The following CPD variants were observed in gnomAD, a reference collection of about 807,000 sequenced individuals.
The protein encoded by CPD is carboxypeptidase D, also known as metallocarboxypeptidase D.
Under a neutral mutation model 138.3 loss-of-function variants are expected in CPD, and 69 were observed. That is an observed-to-expected ratio of 0.50 (90% CI 0.41 to 0.61). The LOEUF (loss-of-function observed/expected upper bound fraction) is 0.61. Ranked by LOEUF, CPD falls within the 20% of genes least tolerant of loss-of-function variation. The pLI is 0.00. For synonymous variants in CPD, 651 were observed against 642.1 expected, an observed-to-expected ratio of 1.01 and a Z score of -0.21; for missense variants, 1,432 against 1,733.3, an observed-to-expected ratio of 0.83 and a Z score of 3.09.
rs760007432 is a variant in CPD at position 30,422,729 on chromosome 17, G to A, written c.1363G>A (p.Val455Met). ...VVVKEGPATEVDFSLRPTVTS... is the reference protein window; with the variant it reads ...VVVKEGPATEMDFSLRPTVTS... The stretch of plus-strand genomic sequence containing the variant: ...GGTGAAAGAAGGACCAGCCACAGAG[G>A]TGGATTTTTCTCTTAGGCCAACTGT... The change falls in exon 5 of 21, where the codon GTG becomes ATG. Residue 455 changes from valine (V) to methionine (M), a missense_variant. This residue lies in a region of CPD where 160 missense variants were observed against 197.9 expected (regional missense o/e 0.81). Transcript: ENST00000225719. The A allele has an allele frequency of 5.0e-6, 8 of 1,613,972 alleles. No individual in the cohort carries two copies. The highest frequency in any genetic ancestry group is 5.9e-6 in the Non-Finnish European group (7 of 1,179,918).
At chr17:30,410,740 C>T (rs961182237) in intron 2 of CPD, among the ~76,000 whole-genome samples, 10 of 152,124 alleles carry the variant, frequency 6.6e-5, no homozygotes, top group African/African-American at 2.4e-4. Flanking sequence ...TTATTTTGAG[C>T]CTATGTGTGT....
At chr17:30,400,602 A>G (rs1192302786) in intron 2 of CPD, among the ~76,000 whole-genome samples, 1 of 148,554 alleles carries the variant, frequency 6.7e-6, no homozygotes, top group Non-Finnish European at 1.5e-5. Context: ...TATGCTTATA[A>G]TGGATTATCT....
chr17:30,389,043 G>A (rs930431656), intron 2 of CPD, among the ~76,000 whole-genome samples: 1 of 152,186 alleles, frequency 6.6e-6, no homozygotes, highest in Non-Finnish European at 1.5e-5. Context: ...CGCCCCCGAA[G>A]CACAGCCCCA....
chr17:30,451,890 T>G (rs1284674704), intron 14 of CPD, 44 bp downstream of exon 14: 1 of 1,574,362 alleles, frequency 6.4e-7, no homozygotes, highest in Non-Finnish European at 8.7e-7. Flanking sequence ...GGAGATAATT[T>G]TCTTTCTGCT....
chr17:30,462,648 T>C (rs938480809), intron 20 of CPD, among the ~76,000 whole-genome samples, 179 bp downstream of exon 20: 1 of 152,140 alleles, frequency 6.6e-6, no homozygotes, highest in Non-Finnish European at 1.5e-5. Flanking sequence ...GGCTTGCCTT[T>C]CTCTGCCGAG....
rs1230207666 is a variant in CPD, at chr17:30,465,709, A to G, written c.*895A>G. On this transcript the variant is annotated 3_prime_UTR_variant, in exon 21 of 21. Transcript: ENST00000225719. Reference sequence around the variant, plus strand: ...CGGAACCTTTTTCTATGTTGCACACATGGTTTTCAGATGACCCAGCCATCT... The same window carrying G: ...CGGAACCTTTTTCTATGTTGCACACGTGGTTTTCAGATGACCCAGCCATCT... The G allele has an allele frequency of 6.6e-6, 1 of 152,610 alleles. No homozygotes were observed. Among genetic ancestry groups the G allele is most frequent in the East Asian group, 1.9e-4 (1 of 5,204 alleles). 9.5% of individuals were successfully genotyped at this position (152,610 alleles called of 1,614,324 possible).
At chr17:30,393,935 G>GT (rs1911423010) in intron 2 of CPD, among the ~76,000 whole-genome samples, 1 of 152,038 alleles carries the variant, frequency 6.6e-6, no homozygotes, top group African/African-American at 2.4e-5. Flanking sequence ...GAGGCCAGGA[G>GT]TTTAAGACCT....
intron 6 of CPD, among the ~76,000 whole-genome samples, chr17:30,426,287 C>G (rs955079078): frequency 1.3e-5 from 2 of 151,814 alleles, no homozygotes; most frequent in South Asian, 2.1e-4. Context: ...ACCATGGTAT[C>G]GCAGTAAAGA....
intron 8 of CPD, among the ~76,000 whole-genome samples, chr17:30,438,108 T>C (rs1414360662): frequency 6.7e-6 from 1 of 149,512 alleles, no homozygotes; most frequent in Non-Finnish European, 1.5e-5. Context: ...CCTCCCAAAG[T>C]GTTGGGATTA....
chr17:30,443,055 A>C (rs1220855788), intron 10 of CPD, among the ~76,000 whole-genome samples: 1 of 152,118 alleles, frequency 6.6e-6, no homozygotes, highest in African/African-American at 2.4e-5. Context: ...AATTTTAAAT[A>C]TACAGAAAAG....
intron 20 of CPD, among the ~76,000 whole-genome samples, chr17:30,463,191 C>T (rs774463953): frequency 3.6e-4 from 55 of 152,206 alleles, no homozygotes; most frequent in Non-Finnish European, 6.8e-4. Context: ...TATACTCAAA[C>T]GTCACCTCCA....
chr17:30,466,149 G>A lies in CPD; in HGVS notation c.*1335G>A, dbSNP rs974524003. 4.6e-5 allele frequency: 7 copies of A among 152,636 alleles called. No individual in the cohort carries two copies. Among genetic ancestry groups the A allele is most frequent in the African/African-American group, 1.7e-4 (7 of 41,474 alleles). 9.5% of individuals were successfully genotyped at this position (152,636 alleles called of 1,614,324 possible). ...GTCTGTCTTATCATGCAATGGAAAT[G>A]ATGCTTTTTGTAAGTATGCATCTTA... On this transcript the variant is annotated 3_prime_UTR_variant, in exon 21 of 21. Transcript: ENST00000225719.
Position 30,464,794 on chromosome 17 carries a change from T to C in CPD, c.4123T>C (p.Leu1375=). ...TGAAACAGACACTGAAGAGGAAACA[T>C]TATATTCTAGCAAACATTGAAAAAC... ...QDETDTEEET[L]YSSKH is the part of the protein sequence containing the mutation. Residue 1375 remains leucine, a synonymous_variant, in exon 21 of 21, where the codon TTA becomes CTA. Transcript: ENST00000225719. The C allele has an allele frequency of 6.2e-7, 1 of 1,613,744 alleles. No homozygotes were observed. Among genetic ancestry groups the C allele is most frequent in the Non-Finnish European group, 8.5e-7 (1 of 1,179,744 alleles).
chr17:30,455,751 A>T, intron 15 of CPD: 1 of 314,106 alleles, frequency 3.2e-6, no homozygotes, highest in Non-Finnish European at 5.8e-6. Context: ...AAATATTGAG[A>T]ATATAAAAGT....
At chr17:30,411,530 C>T (rs1911968035) in intron 2 of CPD, among the ~76,000 whole-genome samples, 1 of 152,152 alleles carries the variant, frequency 6.6e-6, no homozygotes, top group South Asian at 2.1e-4. Context: ...TACATAGTCC[C>T]ATATTTCTTG....
At chr17:30,457,421 G>A (rs886482818) in intron 17 of CPD, among the ~76,000 whole-genome samples, 1 of 152,094 alleles carries the variant, frequency 6.6e-6, no homozygotes, top group African/African-American at 2.4e-5. Context: ...CATGAAGATT[G>A]GTATTGCAGG....
intron 1 of CPD, among the ~76,000 whole-genome samples, chr17:30,384,297 G>A (rs1306075765): frequency 2.0e-5 from 3 of 152,130 alleles, no homozygotes; most frequent in Non-Finnish European, 2.9e-5. Context: ...TGTGAAACTG[G>A]AGTGAAACAC....
chr17:30,417,603 C>T (rs1190657779), intron 2 of CPD, among the ~76,000 whole-genome samples: 1 of 152,138 alleles, frequency 6.6e-6, no homozygotes, highest in Non-Finnish European at 1.5e-5. Flanking sequence ...TCTCAACTCC[C>T]ACTATCTATC....
At position 30,379,160 on chromosome 17, in the gene CPD, C is replaced by G; in HGVS notation, c.180C>G (p.His60Gln). Residue 60 changes from histidine to glutamine, a missense_variant, in exon 1 of 21, where the codon CAC becomes CAG. His to Gln is a conservative substitution (Grantham distance 24, BLOSUM62 0). Coordinates refer to ENST00000225719, the MANE Select transcript of CPD (RefSeq NM_001304.5). This position sits in a 1 kb window ranked among gnomAD's most constrained non-coding sequence, Gnocchi z 7.0. ...AGGGCCAGTTCGACCGCTACTACCACGAAGAGGAGTTGGAGTCGGCGCTGA... is the reference window on the plus strand; with the variant it reads ...AGGGCCAGTTCGACCGCTACTACCAGGAAGAGGAGTTGGAGTCGGCGCTGA... ...AAEGQFDRYY[H>Q]EEELESALRE... 11 of 1,536,026 alleles carry G rather than the reference C, an allele frequency of 7.2e-6. No individual in the cohort carries two copies. Among genetic ancestry groups the G allele is most frequent in the Non-Finnish European group, 9.6e-6 (11 of 1,144,626 alleles).
Sources: allele counts gnomAD v4.1 joint callset (sites outside exome capture counted in the v4.1 genomes callset), GRCh38; gene constraint gnomAD v4.1.1; regional missense constraint gnomAD v4.1.1; non-coding constraint Gnocchi (gnomAD v3.1); transcripts MANE v1.5; gene names NCBI Gene and HGNC (gene_info 2026-07-23, HGNC 2026-07-21).